Variants in DHX57 observed in about 807,000 individuals in gnomAD.
DHX57 encodes DExH-box helicase 57, also known as putative ATP-dependent RNA helicase DHX57.
In DHX57, 105 loss-of-function variants were observed where a neutral mutation model predicts 156.2. That is an observed-to-expected ratio of 0.67 (90% CI 0.57 to 0.79). The LOEUF (loss-of-function observed/expected upper bound fraction) is 0.79. DHX57 is among the 30% of genes least tolerant of loss of function. The pLI is 0.00. For synonymous variants in DHX57, 704 were observed against 595.6 expected (o/e 1.18, Z -2.65); for missense variants, 1,847 against 1,661.9 (o/e 1.11, Z -1.94).
At chr2:38,814,930 C>G (rs550858451) in intron 20 of DHX57, among the ~76,000 whole-genome samples, 1 of 152,256 alleles carries the variant, frequency 6.6e-6, no homozygotes, top group African/African-American at 2.4e-5. Flanking sequence ...CCATGTTGGG[C>G]AGGCTGGTCT....
At chr2:38,838,758 A>G (rs1281082037) in intron 12 of DHX57, 1 of 456,062 alleles carries the variant, frequency 2.2e-6, no homozygotes, top group Non-Finnish European at 4.4e-6. Flanking sequence ...AGAAAATGAT[A>G]AGTGGTTGAT....
intron 13 of DHX57, among the ~76,000 whole-genome samples, chr2:38,836,775 C>CAAA (rs964200602): frequency 3.1e-3 from 132 of 42,400 alleles, no homozygotes; most frequent in African/African-American, 8.9e-3. Flanking sequence ...GACCCTGTCT[C>CAAA]AAAAAAAAAA....
chr2:38,854,114 G>T lies in DHX57; in HGVS notation c.1970C>A (p.Thr657Lys). 6.2e-7 allele frequency: 1 copy of T among 1,613,972 alleles called. No homozygotes were observed. The highest frequency in any genetic ancestry group is 8.5e-7 in the Non-Finnish European group (1 of 1,179,930). Residue 657 changes from threonine to lysine, a missense_variant, in exon 9 of 24, where the codon ACA (threonine) becomes AAA (lysine). Physicochemically the swap from Thr to Lys is moderately conservative, Grantham distance 78. Transcript: ENST00000457308. ...GATATGGGAAACTCCTTGTAGAGCT[G>T]TATCTCCTTCTAGCCTTCTCAGCAG... ...GVLLRRLEGD[T>K]ALQGVSHIIV...
Position 38,848,308 on chromosome 2 carries a change from A to G in DHX57, c.2125T>C (p.Ser709Pro), listed in dbSNP as rs750725254. The change falls in exon 10 of 24, where the codon TCA becomes CCA. Residue 709 changes from serine to proline, a missense_variant. Ser to Pro is a moderately conservative substitution (Grantham distance 74). Transcript: ENST00000457308. The part of the protein sequence containing the change: ...MSATLNAELF[S>P]DYFNSCPVIT... ...ACGGGGCAGGAATTAAAATAGTCTG[A>G]AAAAAGCTCAGCGTTTAGAGTTGCA... 4 of 1,610,296 alleles carry G rather than the reference A, an allele frequency of 2.5e-6. No homozygotes were observed. The South Asian group carries it at 4.4e-5, about 18-fold the overall frequency.
intron 11 of DHX57, among the ~76,000 whole-genome samples, chr2:38,845,049 T>C (rs1312966744): frequency 6.6e-6 from 1 of 152,026 alleles, no homozygotes. Flanking sequence ...ATAAAAAAAT[T>C]AGCCAGGCAT....
chr2:38,828,079 C>A lies in DHX57; in HGVS notation c.2639+261G>T, dbSNP rs548183713. On this transcript the variant is annotated intron_variant, in intron 14 of 23. Transcript: ENST00000457308. ...CCACGTTGGTCAGGCTGGTCTCCAA[C>A]TCCTGACCTCAGGTGATCCGCCCGC... Among the ~76,000 whole-genome samples the A allele has an allele frequency of 5.9e-5, 9 of 152,284 alleles. No individual in the cohort carries two copies. In the East Asian group the frequency reaches 1.5e-3, roughly 26 times the overall value.
Position 38,854,187 on chromosome 2 carries a change from T to C in DHX57, c.1906-9A>G, listed in dbSNP as rs1672760843. ...AGTCTGGTGGCTGAGGACTTACACA[T>C]GAAAGGGCAATATAAATCATTAATA... On this transcript the variant is annotated splice_polypyrimidine_tract_variant and intron_variant, in intron 8 of 23. Transcript: ENST00000457308. The C allele has an allele frequency of 6.2e-7, 1 of 1,612,124 alleles. No individual in the cohort carries two copies. Among genetic ancestry groups the C allele is most frequent in the Non-Finnish European group, 8.5e-7 (1 of 1,179,246 alleles).
At chr2:38,873,358 G>T (rs146399940) in intron 1 of DHX57, among the ~76,000 whole-genome samples, 1 of 152,288 alleles carries the variant, frequency 6.6e-6, no homozygotes, top group East Asian at 1.9e-4. Context: ...AATGGAATTA[G>T]AAATCAAAAG....
chr2:38,874,621 G>C (rs1178517363), intron 1 of DHX57, among the ~76,000 whole-genome samples: 1 of 151,812 alleles, frequency 6.6e-6, no homozygotes, highest in Non-Finnish European at 1.5e-5. Flanking sequence ...GTGTTAGCCA[G>C]GATGGTCTCG....
At chr2:38,820,905 C>G (rs1026648932) in intron 17 of DHX57, among the ~76,000 whole-genome samples, 2 of 149,636 alleles carry the variant, frequency 1.3e-5, no homozygotes, top group Non-Finnish European at 3.0e-5. Context: ...GACTGACACT[C>G]TACCCAACAG....
chr2:38,822,436 G>T (rs753242391), intron 17 of DHX57, among the ~76,000 whole-genome samples: 1 of 146,792 alleles, frequency 6.8e-6, no homozygotes. Context: ...TTGCTCTGTC[G>T]CCAGGCTGGA....
Position 38,848,302 on chromosome 2 carries a change from A to T in DHX57, c.2131T>A (p.Tyr711Asn), listed in dbSNP as rs1485786818. The change falls in exon 10 of 24, where the codon TAT becomes AAT. Residue 711 changes from tyrosine to asparagine, a missense_variant. Coordinates refer to ENST00000457308, the MANE Select transcript of DHX57 (RefSeq NM_198963.3). ...ATLNAELFSD[Y>N]FNSCPVITIP... is the part of the protein sequence containing the mutation. ...GTAATAACGGGGCAGGAATTAAAAT[A>T]GTCTGAAAAAAGCTCAGCGTTTAGA... The T allele has an allele frequency of 6.2e-7, 1 of 1,609,706 alleles. No individual in the cohort carries two copies. Among genetic ancestry groups the T allele is most frequent in the Non-Finnish European group, 8.5e-7 (1 of 1,178,304 alleles).
At chr2:38,840,557 G>C (rs1180570802) in intron 12 of DHX57, among the ~76,000 whole-genome samples, 1 of 138,592 alleles carries the variant, frequency 7.2e-6, no homozygotes, top group Non-Finnish European at 1.6e-5. Context: ...ATTTTTGTAA[G>C]GACTTTTGTT....
chr2:38,851,923 A>G (rs1216730059), intron 9 of DHX57, among the ~76,000 whole-genome samples: 1 of 152,100 alleles, frequency 6.6e-6, no homozygotes, highest in Non-Finnish European at 1.5e-5. Context: ...AAATGACATT[A>G]TTTACCATTA....
At chr2:38,818,755 C>G in intron 19 of DHX57, 122 bp downstream of exon 19, 1 of 1,159,388 alleles carries the variant, frequency 8.6e-7, no homozygotes, top group South Asian at 1.4e-5. Flanking sequence ...GCTGGTAAGG[C>G]CAAACATATT....
intron 9 of DHX57, 70 bp downstream of exon 9, chr2:38,853,984 G>C (rs1226921379): frequency 2.0e-6 from 3 of 1,471,938 alleles, no homozygotes; most frequent in Non-Finnish European, 2.7e-6. Flanking sequence ...ATTGGAACTA[G>C]AAAACAATTT....
At chr2:38,864,025 C>T (rs1316417270) in intron 2 of DHX57, among the ~76,000 whole-genome samples, 1 of 148,574 alleles carries the variant, frequency 6.7e-6, no homozygotes, top group Non-Finnish European at 1.5e-5. Context: ...AAAAAAAAAA[C>T]AACAAAACTT....
intron 23 of DHX57, among the ~76,000 whole-genome samples, chr2:38,798,925 A>AT (rs1669530070): frequency 6.6e-6 from 1 of 152,040 alleles, no homozygotes; most frequent in Non-Finnish European, 1.5e-5. Flanking sequence ...CCTGGGTGAC[A>AT]TAGCGAGACT....
At position 38,856,478 on chromosome 2, in the gene DHX57, T is replaced by C. The variant is rs761071737; in HGVS notation, c.1588-17A>G. On this transcript the variant is annotated splice_polypyrimidine_tract_variant and intron_variant, in intron 6 of 23. Coordinates refer to ENST00000457308, the MANE Select transcript of DHX57 (RefSeq NM_198963.3). ...TCTGGAAGCCTAATAAAATCAAAGATAAGATATCAGTTGGGTTACTTTTTC... is the reference window on the plus strand; with the variant it reads ...TCTGGAAGCCTAATAAAATCAAAGACAAGATATCAGTTGGGTTACTTTTTC... 4 of 1,575,322 alleles carry C rather than the reference T, an allele frequency of 2.5e-6. No homozygotes were observed. The South Asian group carries it at 4.7e-5, about 19-fold the overall frequency.
Sources: allele counts gnomAD v4.1 joint callset (sites outside exome capture counted in the v4.1 genomes callset), GRCh38; gene constraint gnomAD v4.1.1; transcripts MANE v1.5; gene names NCBI Gene and HGNC (gene_info 2026-07-23, HGNC 2026-07-21).